Variants in HSF2BP observed in about 807,000 individuals in gnomAD.
The protein encoded by HSF2BP is heat shock factor 2-binding protein.
HSF2BP carries 35 observed loss-of-function variants against 35.0 expected under a neutral mutation model. The observed-to-expected ratio is 1.00, with a 90% CI of 0.76 to 1.32. HSF2BP has a LOEUF of 1.32. Among genes scored for constraint, HSF2BP ranks in the 40% most tolerant of loss-of-function variants. The probability of loss-of-function intolerance (pLI) is 0.00; values close to 1 mark genes in which losing one functional copy is unlikely to be tolerated. For synonymous variants in HSF2BP, 114 were observed against 117.4 expected (o/e 0.97, Z 0.18); for missense variants, 326 against 321.7 (o/e 1.01, Z -0.10).
chr21:43,585,303 CTG>C (rs995135604), intron 8 of HSF2BP, among the ~76,000 whole-genome samples: 69 of 152,274 alleles, frequency 4.5e-4, no homozygotes, highest in African/African-American at 1.6e-3. Flanking sequence ...CTGCAAGACA[CTG>C]TATCAAATAA....
intron 7 of HSF2BP, among the ~76,000 whole-genome samples, chr21:43,602,945 G>A (rs776336682): frequency 3.3e-5 from 5 of 152,130 alleles, no homozygotes; most frequent in Non-Finnish European, 7.3e-5. Context: ...CAGCAGGTCT[G>A]ACCTGAGAAG....
chr21:43,580,679 A>G (rs1263926034), intron 8 of HSF2BP, among the ~76,000 whole-genome samples: 1 of 152,252 alleles, frequency 6.6e-6, no homozygotes, highest in Non-Finnish European at 1.5e-5. Context: ...AAGGCTCAAC[A>G]CTGGGCTAAC....
At chr21:43,617,348 C>T (rs148728313) in intron 6 of HSF2BP, among the ~76,000 whole-genome samples, 126 of 151,852 alleles carry the variant, frequency 8.3e-4, no homozygotes, top group African/African-American at 2.9e-3. Flanking sequence ...GCCAATGCTG[C>T]ATTTCATTAA....
chr21:43,621,959 G>A (rs956273071), intron 6 of HSF2BP, among the ~76,000 whole-genome samples: 2 of 152,076 alleles, frequency 1.3e-5, no homozygotes, highest in African/African-American at 4.8e-5. Context: ...GAGCTACAGC[G>A]ACCTATTAAA....
At chr21:43,658,037 G>A (rs1247591967) in intron 2 of HSF2BP, 24 bp downstream of exon 2, 2 of 1,535,652 alleles carry the variant, frequency 1.3e-6, no homozygotes, top group Middle Eastern at 2.1e-4. Flanking sequence ...ACACGCTGGC[G>A]TCGGCCAGGG....
chr21:43,637,771 C>T (rs2082583750), intron 4 of HSF2BP, among the ~76,000 whole-genome samples: 1 of 150,962 alleles, frequency 6.6e-6, no homozygotes, highest in African/African-American at 2.4e-5. Context: ...CACTACTGCA[C>T]TCCAGCCTGG....
chr21:43,615,156 A>G (rs1410658372), intron 6 of HSF2BP, among the ~76,000 whole-genome samples: 1 of 152,220 alleles, frequency 6.6e-6, no homozygotes, highest in Non-Finnish European at 1.5e-5. Flanking sequence ...TCTGACAGTA[A>G]AGCATGATTC....
At chr21:43,634,102 A>G (rs1375611613) in intron 4 of HSF2BP, among the ~76,000 whole-genome samples, 1 of 152,220 alleles carries the variant, frequency 6.6e-6, no homozygotes, top group Non-Finnish European at 1.5e-5. Flanking sequence ...AGTCCTATTC[A>G]TGCCCTGGTG....
chr21:43,618,383 T>C (rs2082294470), intron 6 of HSF2BP, among the ~76,000 whole-genome samples: 1 of 152,138 alleles, frequency 6.6e-6, no homozygotes, highest in South Asian at 2.1e-4. Context: ...GCAAAAAAAG[T>C]AATAATAGGG....
At chr21:43,632,181 A>C (rs111213089) in intron 5 of HSF2BP, among the ~76,000 whole-genome samples, 12 of 113,850 alleles carry the variant, frequency 1.1e-4, no homozygotes, top group African/African-American at 1.6e-4. Flanking sequence ...ACGCTCCCCC[A>C]CACACACACA....
chr21:43,604,446 G>A (rs111213087), intron 7 of HSF2BP, among the ~76,000 whole-genome samples: 1,126 of 50,696 alleles, frequency 0.022, 15 homozygotes, highest in Admixed American at 0.11. Context: ...CACACACCAC[G>A]CACACACCAC....
chr21:43,613,745 AC>A (rs2082236898), intron 7 of HSF2BP, 84 bp downstream of exon 7: 4 of 907,784 alleles, frequency 4.4e-6, no homozygotes, highest in Non-Finnish European at 7.1e-6. Context: ...ACCAAAATTA[AC>A]TGTGTTTACT....
chr21:43,612,214 C>T (rs906033643), intron 7 of HSF2BP, among the ~76,000 whole-genome samples: 3 of 152,118 alleles, frequency 2.0e-5, no homozygotes, highest in Non-Finnish European at 4.4e-5. Flanking sequence ...ACGTAAATGT[C>T]CAGGATAAAT....
chr21:43,577,921 C>T (rs570115561), intron 8 of HSF2BP, among the ~76,000 whole-genome samples: 1 of 151,978 alleles, frequency 6.6e-6, no homozygotes, highest in Admixed American at 6.5e-5. Context: ...TTCTCCCCGC[C>T]CTTGAGAATG....
At position 43,578,925 on chromosome 21, in the gene HSF2BP, C is replaced by CCAGGACCGCCTCTGGGATGT. The variant is rs1168849440; in HGVS notation, c.796+13280_796+13299dup. On this transcript the variant is annotated intron_variant, in intron 8 of 8. Transcript: ENST00000291560. The stretch of plus-strand genomic sequence containing the variant: ...ACTAGTTGTGTACCTTCCAGCCCGG[C>CCAGGACCGCCTCTGGGATGT]CAGGACCGCCTCTGGGATGTCAGGA... Among the ~76,000 whole-genome samples the CCAGGACCGCCTCTGGGATGT allele has an allele frequency of 1.5e-3, 224 of 152,336 alleles. 1 individual carries two copies. The highest frequency in any genetic ancestry group is 5.1e-3 in the African/African-American group (213 of 41,570).
At chr21:43,598,844 C>T (rs2082017818) in intron 7 of HSF2BP, among the ~76,000 whole-genome samples, 2 of 152,156 alleles carry the variant, frequency 1.3e-5, no homozygotes, top group South Asian at 4.1e-4. Context: ...TGCTTCAGAT[C>T]ACAAACACAG....
chr21:43,589,694 A>T (rs951487626), intron 8 of HSF2BP, among the ~76,000 whole-genome samples: 4 of 152,240 alleles, frequency 2.6e-5, no homozygotes, highest in Admixed American at 2.6e-4. Flanking sequence ...AACAGAATCC[A>T]AAATGACCTT....
intron 8 of HSF2BP, among the ~76,000 whole-genome samples, chr21:43,584,215 G>A (rs1362126528): frequency 1.3e-5 from 2 of 152,094 alleles, no homozygotes; most frequent in Non-Finnish European, 2.9e-5. Flanking sequence ...AGGGCCTGCT[G>A]AGGGACATGA....
chr21:43,613,669 A>T (rs2082236065), intron 7 of HSF2BP, among the ~76,000 whole-genome samples, 161 bp downstream of exon 7: 1 of 152,222 alleles, frequency 6.6e-6, no homozygotes, highest in African/African-American at 2.4e-5. Context: ...CTAAAATGCT[A>T]TTTAAGAGAC....
Sources: gnomAD v4.1 joint callset for allele counts (sites outside exome capture counted in the v4.1 genomes callset) on GRCh38, gnomAD v4.1.1 for gene constraint, MANE v1.5 for transcripts, NCBI Gene and HGNC (gene_info 2026-07-23, HGNC 2026-07-21) for gene names.